Variants in GNE observed in about 807,000 individuals in gnomAD.
GNE encodes glucosamine (UDP-N-acetyl)-2-epimerase/N-acetylmannosamine kinase, also known as bifunctional UDP-N-acetylglucosamine 2-epimerase/N-acetylmannosamine kinase.
A neutral mutation model predicts 61.8 loss-of-function variants in GNE; 41 were observed. The ratio of observed to expected loss-of-function variants is 0.66; its 90% CI spans 0.52 to 0.86. The LOEUF is 0.86. GNE is among the 40% of genes least tolerant of loss of function. GNE has a pLI of 0.00. For missense variants in GNE, 608 were observed against 909.1 expected, an observed-to-expected ratio of 0.67 and a Z score of 4.26; for synonymous variants, 264 against 326.4, an observed-to-expected ratio of 0.81 and a Z score of 2.06.
At chr9:36,223,797 G>A (rs1235054895) in intron 7 of GNE, among the ~76,000 whole-genome samples, 3 of 151,742 alleles carry the variant, frequency 2.0e-5, no homozygotes, top group East Asian at 1.9e-4. Flanking sequence ...TGTTGCCCAG[G>A]CTGGAGCGCT....
intron 9 of GNE, among the ~76,000 whole-genome samples, chr9:36,221,311 T>G (rs1392172436): frequency 2.0e-5 from 3 of 152,004 alleles, no homozygotes; most frequent in Admixed American, 2.0e-4. Context: ...GACTCACTCT[T>G]TAAATAAATA....
Position 36,216,033 on chromosome 9 carries a change from A to AT in GNE, c.*1331dup. ...GGTCACTAAGGCCACTGTAATTTAG[A>AT]TCCCTGGTCTAAAGTCTCTTGTAAG... On this transcript the variant is annotated 3_prime_UTR_variant, in exon 12 of 12. Transcript: ENST00000642385. 3.5e-6 allele frequency: 1 copy of AT among 288,396 alleles called. No individual in the cohort carries two copies. 17.9% of individuals were successfully genotyped at this position (288,396 alleles called of 1,614,324 possible).
chr9:36,263,603 G>A (rs1274079793), intron 1 of GNE, among the ~76,000 whole-genome samples: 1 of 152,118 alleles, frequency 6.6e-6, no homozygotes, highest in Non-Finnish European at 1.5e-5. Context: ...TAAAATCAAG[G>A]TCTAATCTCT....
intron 2 of GNE, 79 bp from the exon 3 acceptor site, chr9:36,246,561 A>G (rs1381671145): frequency 3.5e-6 from 3 of 867,836 alleles, no homozygotes; most frequent in Non-Finnish European, 5.7e-6. Context: ...GCAATCTAAC[A>G]CCAACTCTGA....
chr9:36,241,525 G>T (rs7026862), intron 3 of GNE, among the ~76,000 whole-genome samples: 24,881 of 152,102 alleles, frequency 0.16, 3,560 homozygotes, highest in African/African-American at 0.38. Flanking sequence ...TCCCTGGCAA[G>T]AATACATTTC....
chr9:36,246,034 G>C lies in GNE; in HGVS notation c.613C>G (p.Leu205Val), dbSNP rs751253614. The C allele has an allele frequency of 1.9e-6, 3 of 1,611,362 alleles. No homozygotes were observed. Among genetic ancestry groups the C allele is most frequent in the Non-Finnish European group, 2.5e-6 (3 of 1,177,860 alleles). ...KDYMSIIRMW[L>V]GDDVKSKDYI... The stretch of plus-strand genomic sequence containing the variant: ...GACTAAAGTCTGAGATACGTACCTA[G>C]CCACATGCGAATGATGCTCATGTAG... The change falls in exon 3 of 12, where the codon CTA (leucine) becomes GTA (valine). Residue 205 changes from leucine (L) to valine (V), a missense_variant. Leu to Val is a conservative substitution (Grantham distance 32). Coordinates refer to ENST00000642385, the MANE Select transcript of GNE (RefSeq NM_005476.7).
chr9:36,261,367 G>A (rs1830611627), upstream of GNE, among the ~76,000 whole-genome samples: 3 of 151,812 alleles, frequency 2.0e-5, no homozygotes, highest in Middle Eastern at 3.2e-3. Flanking sequence ...GACCAGCCTG[G>A]CCAACATGGT....
intron 9 of GNE, 111 bp from the exon 10 acceptor site, chr9:36,220,131 A>G (rs1563928441): frequency 3.5e-6 from 3 of 859,560 alleles, no homozygotes; most frequent in Non-Finnish European, 5.9e-6. Flanking sequence ...GTCTATAGAT[A>G]CTTCTTTAGA....
intron 2 of GNE, among the ~76,000 whole-genome samples, chr9:36,247,504 C>G (rs1829937975): frequency 1.3e-5 from 2 of 152,102 alleles, no homozygotes; most frequent in South Asian, 4.1e-4. Context: ...GTCAAATTTC[C>G]TATTTAACGG....
In GNE at chr9:36,256,239, C is replaced by CTTT. The variant is rs34215482; in HGVS notation, c.-43+2079_-43+2081dup. Among the ~76,000 whole-genome samples, 18 of 55,976 alleles carry CTTT rather than the reference C, an allele frequency of 3.2e-4. 1 individual carries two copies. The highest frequency in any genetic ancestry group is 1.1e-3 in the African/African-American group (16 of 14,420). The allele number at this position is 55,976 out of a possible 152,430, so 36.7% of individuals were successfully genotyped here. ...CATACCCAGCCAGAGAAACCCAATT[C>CTTT]TTTTTTTTTTTTTTTTTTTTTTTTT... On this transcript the variant is annotated intron_variant, in intron 1 of 11. Coordinates refer to ENST00000642385, the MANE Select transcript of GNE (RefSeq NM_005476.7).
intron 3 of GNE, among the ~76,000 whole-genome samples, chr9:36,245,326 TA>T (rs1829824621): frequency 6.6e-6 from 1 of 151,720 alleles, no homozygotes; most frequent in Non-Finnish European, 1.5e-5. Context: ...ACACCAGAAA[TA>T]AATATAATAA....
At chr9:36,231,169 C>T (rs1301949292) in intron 5 of GNE, among the ~76,000 whole-genome samples, 1 of 149,074 alleles carries the variant, frequency 6.7e-6, no homozygotes, top group Non-Finnish European at 1.5e-5. Context: ...GGAAAGAAAA[C>T]AAACAAAACA....
intron 1 of GNE, among the ~76,000 whole-genome samples, chr9:36,257,802 C>CAAA (rs60845805): frequency 0.057 from 1,432 of 25,216 alleles, 314 homozygotes; most frequent in Middle Eastern, 0.071. Flanking sequence ...GACTCAGTCT[C>CAAA]AAAAAAAAAA....
Position 36,223,029 on chromosome 9 carries a change from T to C in GNE, c.1412-31A>G, listed in dbSNP as rs1347525782. ...CTCCACCACAAACACAAGGAAATAA[T>C]GCTGATGAGCAATCTCAGGAAAGTA... On this transcript the variant is annotated intron_variant, in intron 8 of 11. Coordinates refer to ENST00000642385, the MANE Select transcript of GNE (RefSeq NM_005476.7). 1.9e-6 allele frequency: 3 copies of C among 1,577,498 alleles called. No individual in the cohort carries two copies. In the African/African-American group the frequency reaches 4.0e-5, roughly 21 times the overall value.
chr9:36,222,950 T>C lies in GNE; in HGVS notation c.1460A>G (p.His487Arg), dbSNP rs1828671975. Residue 487 changes from histidine (H) to arginine (R), a missense_variant, in exon 9 of 12, where the codon CAT (histidine) becomes CGT (arginine). His to Arg is a conservative substitution (Grantham distance 29). Coordinates refer to ENST00000642385, the MANE Select transcript of GNE (RefSeq NM_005476.7). ...CCACTCTTGGATCAGTTTGGTTGAA[T>C]GCAGCACAATTCCTTCCCGAGGATT... ...RVNPREGIVL[H>R]STKLIQEWNS... is the part of the protein sequence containing the mutation. 1 of 1,614,170 alleles carries C rather than the reference T, an allele frequency of 6.2e-7. No homozygotes were observed. The highest frequency in any genetic ancestry group is 1.1e-5 in the South Asian group (1 of 91,080).
chr9:36,260,214 CAGGCA>C (rs371181851), upstream of GNE, among the ~76,000 whole-genome samples: 233 of 150,372 alleles, frequency 1.5e-3, 1 homozygote, highest in African/African-American at 5.5e-3. Flanking sequence ...TCAGGAGTTC[CAGGCA>C]ACAGTGAGCT....
At chr9:36,222,373 C>G (rs552896564) in intron 9 of GNE, among the ~76,000 whole-genome samples, 2 of 150,312 alleles carry the variant, frequency 1.3e-5, no homozygotes, top group Non-Finnish European at 3.0e-5. Flanking sequence ...GAGCCGAGAT[C>G]CCGCCACTGC....
chr9:36,253,294 A>T (rs10814359), intron 1 of GNE, among the ~76,000 whole-genome samples: 112,970 of 149,298 alleles, frequency 0.76, 42,987 homozygotes, highest in Non-Finnish European at 0.81. Context: ...TTTTTTTTTT[A>T]AAATACAGTC....
chr9:36,263,552 C>T (rs1587375388), intron 1 of GNE: 1 of 152,856 alleles, frequency 6.5e-6, no homozygotes, highest in Middle Eastern at 1.3e-3. Flanking sequence ...CTCTGAATGG[C>T]TCACATCAAG....
Sources: allele counts gnomAD v4.1 joint callset (sites outside exome capture counted in the v4.1 genomes callset), GRCh38; gene constraint gnomAD v4.1.1; transcripts MANE v1.5; gene names NCBI Gene and HGNC (gene_info 2026-07-23, HGNC 2026-07-21).